CD8B: variants seen among roughly 807,000 people sequenced by gnomAD.
The protein encoded by CD8B is T-cell surface glycoprotein CD8 beta chain.
A neutral mutation model predicts 24.2 loss-of-function variants in CD8B; 6 were observed. The observed-to-expected ratio is 0.25, with a 90% confidence interval of 0.14 to 0.49. The LOEUF (loss-of-function observed/expected upper bound fraction) is 0.49. CD8B is among the 20% of genes least tolerant of loss of function. CD8B has a pLI of 0.98. For synonymous variants in CD8B, 84 were observed against 108.3 expected, an observed-to-expected ratio of 0.78 and a Z score of 1.39; for missense variants, 196 against 271.3, an observed-to-expected ratio of 0.72 and a Z score of 1.95.
At chr2:86,827,950 G>A (rs1428221318) in intron 5 of CD8B, among the ~76,000 whole-genome samples, 2 of 152,210 alleles carry the variant, frequency 1.3e-5, no homozygotes, top group African/African-American at 4.8e-5. Context: ...TTGTTCCCAT[G>A]TGCTGGGGGA....
chr2:86,832,037 T>C (rs1674922144), intron 5 of CD8B, among the ~76,000 whole-genome samples: 1 of 152,206 alleles, frequency 6.6e-6, no homozygotes, highest in South Asian at 2.1e-4. Context: ...GAAAGGGTCT[T>C]AATTGTGCTG....
At chr2:86,851,853 T>C (rs1235066010) in intron 3 of CD8B, among the ~76,000 whole-genome samples, 1 of 152,222 alleles carries the variant, frequency 6.6e-6, no homozygotes, top group Non-Finnish European at 1.5e-5. Flanking sequence ...GTATGTGGCA[T>C]ACACTCCAGC....
chr2:86,818,738 T>C (rs75856885), intron 5 of CD8B, among the ~76,000 whole-genome samples: 15,482 of 152,136 alleles, frequency 0.1, 2,465 homozygotes, highest in African/African-American at 0.34. Flanking sequence ...CCTACAATGG[T>C]TTCTAAGTGT....
Position 86,841,981 on chromosome 2 carries a change from T to G in CD8B, c.*326A>C, listed in dbSNP as rs553550336. 1.5e-5 allele frequency: 16 copies of G among 1,091,054 alleles called. No homozygotes were observed. The South Asian group carries it at 5.6e-4, about 38-fold the overall frequency. 67.6% of individuals were successfully genotyped at this position (1,091,054 alleles called of 1,614,324 possible). A position where few individuals can be genotyped will look rare whatever the true frequency, so the allele number is the denominator to read the frequency against. ...GCAACCTGCAAAGATGGTGGCTAAA[T>G]GGCCACCACTAAAGGTCCCAGTTCA... On this transcript the variant is annotated 3_prime_UTR_variant, in exon 6 of 6. Coordinates refer to ENST00000390655, the MANE Select transcript of CD8B (RefSeq NM_004931.5).
At chr2:86,854,296 C>T (rs1676122816) in intron 2 of CD8B, among the ~76,000 whole-genome samples, 1 of 152,166 alleles carries the variant, frequency 6.6e-6, no homozygotes, top group Admixed American at 6.5e-5. Flanking sequence ...ATTCCCTAAG[C>T]ACATGGAGGA....
Position 86,822,399 on chromosome 2 carries a change from A to C in CD8B, c.621-6681T>G, listed in dbSNP as rs370723539. 1.2e-4 allele frequency: 170 copies of C among 1,456,376 alleles called. No homozygotes were observed. The African/African-American group carries it at 2.2e-3, about 19-fold the overall frequency. The allele number at this position is 1,456,376 out of a possible 1,614,324, so 90.2% of individuals were successfully genotyped here. ...TCTTGGCACAATAGAGTATGAACAG[A>C]GATGTTAAATGTTAAAAGCAATGGA... On this transcript the variant is annotated intron_variant, in intron 5 of 5. Coordinates refer to the CD8B transcript ENST00000331469.
rs1415009097 is a variant in CD8B at position 86,822,343 on chromosome 2, T to G, written c.621-6625A>C. 4 of 1,592,164 alleles carry G rather than the reference T, an allele frequency of 2.5e-6. No homozygotes were observed. The East Asian group carries it at 8.9e-5, about 36-fold the overall frequency. ...TACCTGTATATTCAGTAGTCCATTC[T>G]GGAACATTTCTCCAGTGGATGTAAT... On this transcript the variant is annotated intron_variant, in intron 5 of 5. Transcript: ENST00000331469.
chr2:86,821,141 CT>C (rs200332790), intron 5 of CD8B, among the ~76,000 whole-genome samples: 7,437 of 133,450 alleles, frequency 0.056, 260 homozygotes, highest in Middle Eastern at 0.13. Context: ...ATCAACTTTA[CT>C]TTTTTTTTTT....
chr2:86,833,912 G>C (rs1675060872), downstream of CD8B, among the ~76,000 whole-genome samples: 1 of 152,048 alleles, frequency 6.6e-6, no homozygotes, highest in Non-Finnish European at 1.5e-5. Context: ...GCCTCCCAAA[G>C]TGCTGGGGTT....
chr2:86,858,555 C>T (rs577706799), intron 1 of CD8B, 139 bp from the exon 2 acceptor site: 25 of 1,437,722 alleles, frequency 1.7e-5, no homozygotes, highest in East Asian at 1.7e-4. Context: ...GTGTGTTGAG[C>T]GCAGCTGTTG....
intron 2 of CD8B, among the ~76,000 whole-genome samples, chr2:86,855,503 C>T (rs551649482): frequency 9.7e-4 from 147 of 152,184 alleles, no homozygotes; most frequent in Non-Finnish European, 1.9e-3. Context: ...AGTATCTGCA[C>T]CAAAAGACCT....
intron 3 of CD8B, among the ~76,000 whole-genome samples, chr2:86,847,762 C>T (rs1423526259): frequency 1.3e-5 from 2 of 152,132 alleles, no homozygotes; most frequent in Non-Finnish European, 2.9e-5. Context: ...GACGGGGTTT[C>T]ACCACGTTGG....
At chr2:86,844,746 G>C in intron 5 of CD8B, 176 bp downstream of exon 5, 4 of 1,530,824 alleles carry the variant, frequency 2.6e-6, no homozygotes, top group Non-Finnish European at 3.5e-6. Context: ...GGGCTCAAGT[G>C]ATCCTCCTGC....
chr2:86,857,097 A>AC (rs568922741), intron 2 of CD8B, among the ~76,000 whole-genome samples: 37 of 151,974 alleles, frequency 2.4e-4, no homozygotes, highest in African/African-American at 8.7e-4. Context: ...GGCCATCAGC[A>AC]CCCCCGTGTG....
At chr2:86,837,685 TG>T, downstream of CD8B, among the ~76,000 whole-genome samples, 1 of 21,310 alleles carries the variant, frequency 4.7e-5, no homozygotes, top group East Asian at 1.3e-3. Flanking sequence ...GGGGCGGGGG[TG>T]GGGATGAGTA....
In CD8B at chr2:86,858,338, C is replaced by T. The variant is rs1487289172; in HGVS notation, c.122G>A (p.Cys41Tyr). ...GTTACTGAGGGAGATTTTAGCCTCG[C>T]AGGACAGCATCACCATCTTGTTGGT... Reference protein sequence around the residue: ...VQTNKMVMLSCEAKISLSNMR... With the variant: ...VQTNKMVMLSYEAKISLSNMR... Residue 41 changes from cysteine to tyrosine, a missense_variant, in exon 2 of 6, where the codon TGC becomes TAC. Cys to Tyr is a radical substitution (Grantham distance 194, BLOSUM62 -2). Coordinates refer to ENST00000390655, the MANE Select transcript of CD8B (RefSeq NM_004931.5). 6.2e-7 allele frequency: 1 copy of T among 1,613,902 alleles called. No homozygotes were observed.
chr2:86,821,258 G>A (rs1674452139), intron 5 of CD8B, among the ~76,000 whole-genome samples: 1 of 151,738 alleles, frequency 6.6e-6, no homozygotes, highest in South Asian at 2.1e-4. Context: ...TTCTCAAGGC[G>A]TTGGAGTGAG....
chr2:86,842,948 C>T (rs992803225), intron 5 of CD8B, among the ~76,000 whole-genome samples: 6 of 152,064 alleles, frequency 3.9e-5, no homozygotes, highest in African/African-American at 1.4e-4. Flanking sequence ...AGCATGAGGT[C>T]CTGCATCCAG....
downstream of CD8B, among the ~76,000 whole-genome samples, chr2:86,837,013 C>T (rs1470938943): frequency 6.6e-6 from 1 of 152,000 alleles, no homozygotes; most frequent in Non-Finnish European, 1.5e-5. Context: ...AAAAATTAGC[C>T]AGGTGTGGTA....
Sources: allele counts gnomAD v4.1 joint callset (sites outside exome capture counted in the v4.1 genomes callset), GRCh38; gene constraint gnomAD v4.1.1; transcripts MANE v1.5; gene names NCBI Gene and HGNC (gene_info 2026-07-23, HGNC 2026-07-21).